Variants in UBE2W observed in about 807,000 individuals in gnomAD.
The protein encoded by UBE2W is ubiquitin-conjugating enzyme E2 W.
In UBE2W, 18 loss-of-function variants were observed where a neutral mutation model predicts 27.2. The ratio of observed to expected loss-of-function variants is 0.66; its 90% CI spans 0.46 to 0.98. UBE2W has a LOEUF of 0.98. Among genes scored for constraint, UBE2W ranks in the 50% least tolerant of loss-of-function variants. The pLI, the probability that UBE2W is intolerant of heterozygous loss-of-function variation, is 0.00. For missense variants in UBE2W, 90 were observed against 180.2 expected (o/e 0.50, Z 2.87); for synonymous variants, 53 against 57.2 (o/e 0.93, Z 0.33).
Position 73,793,201 on chromosome 8 carries a change from G to A in UBE2W, c.*901C>T. 2 of 985,806 alleles carry A rather than the reference G, an allele frequency of 2.0e-6. No individual in the cohort carries two copies. Among genetic ancestry groups the A allele is most frequent in the Non-Finnish European group, 2.4e-6 (2 of 829,896 alleles). 61.1% of individuals were successfully genotyped at this position (985,806 alleles called of 1,614,324 possible). On this transcript the variant is annotated 3_prime_UTR_variant, in exon 6 of 6. Coordinates refer to ENST00000602593, the MANE Select transcript of UBE2W (RefSeq NM_018299.6). ...TTAGGCAGTAGGGCTCATGCTGATG[G>A]CTAGCAGGAAGTTAACAGAGTGTAA...
intron 1 of UBE2W, among the ~76,000 whole-genome samples, chr8:73,866,293 AT>A (rs1434948714): frequency 2.1e-3 from 132 of 61,502 alleles, no homozygotes; most frequent in Non-Finnish European, 3.0e-3. Context: ...AAAAAAAAAT[AT>A]ATATATATAT....
At chr8:73,794,663 A>T (rs1330950473) in intron 5 of UBE2W, among the ~76,000 whole-genome samples, 1 of 152,076 alleles carries the variant, frequency 6.6e-6, no homozygotes, top group East Asian at 1.9e-4. Context: ...GCACTTTGGG[A>T]GGCCGAGGCG....
chr8:73,848,613 G>A (rs1810917257), intron 1 of UBE2W, among the ~76,000 whole-genome samples: 1 of 152,144 alleles, frequency 6.6e-6, no homozygotes. Flanking sequence ...GAACACCTGA[G>A]CCTAGGAATT....
downstream of UBE2W, chr8:73,786,205 A>AAAGC: frequency 3.0e-6 from 3 of 985,212 alleles, no homozygotes; most frequent in Non-Finnish European, 3.6e-6. Context: ...ACCTATAAAA[A>AAAGC]AAGCCAAAAC....
intron 1 of UBE2W, among the ~76,000 whole-genome samples, chr8:73,854,200 A>G (rs149049385): frequency 1.3e-5 from 2 of 152,052 alleles, no homozygotes. Context: ...ACTTAGTAAC[A>G]CCATTCTTAA....
Position 73,806,881 on chromosome 8 carries a change from C to T in UBE2W, c.367-1155G>A, listed in dbSNP as rs147753990. ...AAAAAATGGGAAAAATATATATTGG[C>T]ATTTCTACTATAATTGGCCTTTCTG... On this transcript the variant is annotated intron_variant, in intron 4 of 5. Coordinates refer to ENST00000602593, the MANE Select transcript of UBE2W (RefSeq NM_018299.6). Among the ~76,000 whole-genome samples the T allele has an allele frequency of 2.5e-3, 375 of 152,214 alleles. 1 individual carries two copies. Among genetic ancestry groups the T allele is most frequent in the African/African-American group, 8.6e-3 (356 of 41,530 alleles).
Position 73,792,947 on chromosome 8 carries a change from C to T in UBE2W, c.*1155G>A. 1.0e-6 allele frequency: 1 copy of T among 985,656 alleles called. No individual in the cohort carries two copies. The highest frequency in any genetic ancestry group is 1.2e-6 in the Non-Finnish European group (1 of 829,790). The allele number at this position is 985,656 out of a possible 1,614,324, so 61.1% of individuals were successfully genotyped here. On this transcript the variant is annotated 3_prime_UTR_variant, in exon 6 of 6. Transcript: ENST00000602593. ...CTAAATTTTAAAATAAAAATGTCCA[C>T]ACTCTTTTGTTAAAACATTAAGCCT...
intron 1 of UBE2W, among the ~76,000 whole-genome samples, chr8:73,869,303 A>G (rs1369291674): frequency 1.3e-5 from 2 of 152,200 alleles, no homozygotes; most frequent in African/African-American, 4.8e-5. Flanking sequence ...CATGCCTGTA[A>G]TCCCAGCACT....
At chr8:73,873,442 G>A (rs1812089616) in intron 1 of UBE2W, among the ~76,000 whole-genome samples, 1 of 152,130 alleles carries the variant, frequency 6.6e-6, no homozygotes, top group Non-Finnish European at 1.5e-5. Flanking sequence ...GCCGATGGCT[G>A]AGTCCTGGAG....
chr8:73,877,732 T>C (rs1812292050), intron 1 of UBE2W, among the ~76,000 whole-genome samples: 1 of 152,234 alleles, frequency 6.6e-6, no homozygotes, highest in Non-Finnish European at 1.5e-5. Flanking sequence ...TTCTACTTTC[T>C]CTTCCAATGC....
intron 1 of UBE2W, among the ~76,000 whole-genome samples, chr8:73,852,449 G>C (rs939377684): frequency 2.0e-5 from 3 of 152,182 alleles, no homozygotes; most frequent in Non-Finnish European, 2.9e-5. Context: ...GACTCAGAAT[G>C]AAATAAAATA....
At chr8:73,865,094 A>G (rs1402876502) in intron 1 of UBE2W, among the ~76,000 whole-genome samples, 1 of 151,038 alleles carries the variant, frequency 6.6e-6, no homozygotes, top group African/African-American at 2.4e-5. Context: ...GGCACAAAAT[A>G]GACCTCAAAA....
At position 73,852,709 on chromosome 8, in the gene UBE2W, T is replaced by C. The variant is rs149780230; in HGVS notation, c.16-22237A>G. On this transcript the variant is annotated intron_variant, in intron 1 of 5. Transcript: ENST00000602593. The stretch of plus-strand genomic sequence containing the variant: ...AGAGTTACATAAATGTCATAAAGCA[T>C]GTGGTGAAAAATCTACAGCCAGGGT... 3.8e-4 allele frequency among the ~76,000 whole-genome samples: 58 copies of C among 152,278 alleles called. 1 individual carries two copies. The Middle Eastern group carries it at 0.01, about 27-fold the overall frequency.
chr8:73,801,293 C>T (rs1213932327), intron 5 of UBE2W, among the ~76,000 whole-genome samples: 1 of 151,962 alleles, frequency 6.6e-6, no homozygotes, highest in Admixed American at 6.6e-5. Context: ...GCTAGAAAAC[C>T]GATTATCTTT....
At chr8:73,830,274 G>C (rs1480545877) in intron 2 of UBE2W, 107 bp downstream of exon 2, 1 of 780,170 alleles carries the variant, frequency 1.3e-6, no homozygotes, top group African/African-American at 1.8e-5. Flanking sequence ...TTTACCTCTT[G>C]GTGAAAGAAT....
chr8:73,796,690 G>C (rs895493790), intron 5 of UBE2W: 12 of 981,202 alleles, frequency 1.2e-5, no homozygotes, highest in Non-Finnish European at 1.5e-5. Context: ...ATCCATGATG[G>C]CTATATGTAA....
At chr8:73,877,921 C>T (rs1029426496) in intron 1 of UBE2W, among the ~76,000 whole-genome samples, 1 of 152,200 alleles carries the variant, frequency 6.6e-6, no homozygotes, top group African/African-American at 2.4e-5. Flanking sequence ...GAAAACCACG[C>T]CTTGCTAAGT....
At chr8:73,839,144 G>A (rs567475341) in intron 1 of UBE2W, among the ~76,000 whole-genome samples, 2 of 152,094 alleles carry the variant, frequency 1.3e-5, no homozygotes, top group South Asian at 2.1e-4. Context: ...ACCCTCCACC[G>A]GTAACAAATG....
intron 5 of UBE2W, chr8:73,796,525 GCTACC>G: frequency 2.0e-6 from 1 of 491,552 alleles, no homozygotes; most frequent in South Asian, 8.8e-5. Context: ...TGTAGAACGT[GCTACC>G]AAAATGATTA....
Sources: allele counts gnomAD v4.1 joint callset (sites outside exome capture counted in the v4.1 genomes callset), GRCh38; gene constraint gnomAD v4.1.1; transcripts MANE v1.5; gene names NCBI Gene and HGNC (gene_info 2026-07-23, HGNC 2026-07-21).